ABCB4: variants seen among roughly 807,000 people sequenced by gnomAD.
ABCB4 encodes the protein ATP binding cassette subfamily B member 4, also known as phosphatidylcholine translocator ABCB4.
ABCB4 carries 76 observed loss-of-function variants against 145.7 expected under a neutral mutation model. That is an observed-to-expected ratio of 0.52 (90% CI 0.43 to 0.63). The LOEUF (loss-of-function observed/expected upper bound fraction) is 0.63, where lower values mean the gene tolerates loss of function less well. Ranked by LOEUF, ABCB4 falls within the 30% of genes least tolerant of loss-of-function variation. ABCB4 has a pLI of 0.00. For synonymous variants in ABCB4, 517 were observed against 566.8 expected (o/e 0.91, Z 1.25); for missense variants, 1,234 against 1,553.1 (o/e 0.79, Z 3.45).
intron 8 of ABCB4, 36 bp from the exon 9 acceptor site, chr7:87,447,241 A>T (rs371679608): frequency 2.5e-6 from 4 of 1,594,946 alleles, no homozygotes; most frequent in Non-Finnish European, 3.4e-6. Flanking sequence ...ATTATAATTA[A>T]GAATAACAAT....
At chr7:87,420,169 A>G in intron 18 of ABCB4, 94 bp from the exon 19 acceptor site, 2 of 1,242,332 alleles carry the variant, frequency 1.6e-6, no homozygotes, top group Non-Finnish European at 2.4e-6. Context: ...CAAAGTTATG[A>G]GTTGTTTTAC....
At chr7:87,431,291 T>A in intron 15 of ABCB4, 113 bp downstream of exon 15, 1 of 1,366,048 alleles carries the variant, frequency 7.3e-7, no homozygotes, top group Non-Finnish European at 1.0e-6. Flanking sequence ...CTTTTAGGCA[T>A]CTTGTTGAAG....
In ABCB4 at chr7:87,449,980, T is replaced by C; in HGVS notation, c.821A>G (p.Lys274Arg). The C allele has an allele frequency of 6.2e-7, 1 of 1,614,168 alleles. No individual in the cohort carries two copies. Among genetic ancestry groups the C allele is most frequent in the Non-Finnish European group, 8.5e-7 (1 of 1,180,012 alleles). The change falls in exon 8 of 28, where the codon AAA becomes AGA. Residue 274 changes from lysine (K) to arginine (R), a missense_variant. Lys to Arg is a conservative substitution (Grantham distance 26, BLOSUM62 2). Coordinates refer to ENST00000649586, the MANE Select transcript of ABCB4 (RefSeq NM_000443.4). Reference protein sequence around the residue: ...RTVIAFGGQNKELERYQKHLE... With the variant: ...RTVIAFGGQNRELERYQKHLE... Reference sequence around the variant, plus strand: ...GAACCTTCCTGACCTTTCCAGCTCTTTGTTCTGGCCCCCGAAAGCTATCAC... The same window carrying C: ...GAACCTTCCTGACCTTTCCAGCTCTCTGTTCTGGCCCCCGAAAGCTATCAC...
chr7:87,386,639 T>C, the ABCB4 span, among the ~76,000 whole-genome samples: 1 of 152,208 alleles, frequency 6.6e-6, no homozygotes, highest in Admixed American at 6.5e-5. Flanking sequence ...GATTGCTTAC[T>C]GTTGTGGACT....
chr7:87,431,764 G>C (rs1810252018), intron 14 of ABCB4, among the ~76,000 whole-genome samples, 199 bp from the exon 15 acceptor site: 1 of 152,188 alleles, frequency 6.6e-6, no homozygotes, highest in South Asian at 2.1e-4. Flanking sequence ...CAGACAAGTG[G>C]CTAACCCCTT....
intron 26 of ABCB4, 58 bp downstream of exon 26, chr7:87,406,230 G>A (rs145523264): frequency 1.6e-4 from 250 of 1,546,156 alleles, no homozygotes; most frequent in Non-Finnish European, 2.2e-4. Flanking sequence ...CATAACTTTG[G>A]TAATTGTTTG....
At chr7:87,433,608 A>C (rs1001936330) in intron 14 of ABCB4, among the ~76,000 whole-genome samples, 5 of 151,988 alleles carry the variant, frequency 3.3e-5, no homozygotes, top group Admixed American at 1.3e-4. Context: ...ATTTAGAAGT[A>C]AGCAACTGTC....
At chr7:87,475,506 C>T in intron 1 of ABCB4, 35 bp from the exon 2 acceptor site, 1 of 1,609,340 alleles carries the variant, frequency 6.2e-7, no homozygotes, top group Non-Finnish European at 8.5e-7. Flanking sequence ...ACCAAGTACA[C>T]CCTCTCCGGC....
Position 87,451,864 on chromosome 7 carries a change from C to T in ABCB4, c.537-70G>A, listed in dbSNP as rs1189739884. The T allele has an allele frequency of 4.8e-6, 7 of 1,462,214 alleles. No homozygotes were observed. In the South Asian group the frequency reaches 5.7e-5, roughly 12 times the overall value. 90.6% of individuals were successfully genotyped at this position (1,462,214 alleles called of 1,614,324 possible). A position where few individuals can be genotyped will look rare whatever the true frequency, so the allele number is the denominator to read the frequency against. On this transcript the variant is annotated intron_variant, in intron 6 of 27. Transcript: ENST00000649586. ...TTAGAAAGATGAAGTAGACATCCAA[C>T]AAACACATAGACAAGTAAAATTTGT...
intron 13 of ABCB4, 85 bp from the exon 14 acceptor site, chr7:87,439,922 T>C (rs1810858129): frequency 1.9e-6 from 3 of 1,541,536 alleles, no homozygotes; most frequent in Admixed American, 1.7e-5. Context: ...AAAGACAACA[T>C]GGAGCTTTGT....
At position 87,458,988 on chromosome 7, in the gene ABCB4, A is replaced by T. The variant is rs73198313; in HGVS notation, c.286+3770T>A. ...TCAGTTTCATAATTAGGCACAAGTT[A>T]AAAAAAAAAAAAAAAGCAAACTGCT... On this transcript the variant is annotated intron_variant, in intron 4 of 27. Transcript: ENST00000649586. 7.9e-3 allele frequency among the ~76,000 whole-genome samples: 746 copies of T among 95,020 alleles called. 5 individuals are homozygous for T. Among genetic ancestry groups the T allele is most frequent in the African/African-American group, 0.021 (376 of 17,708 alleles). The allele number at this position is 95,020 out of a possible 152,430, so 62.3% of individuals were successfully genotyped here.
At chr7:87,398,556 G>T (rs1475370553), downstream of ABCB4, 4 of 1,613,582 alleles carry the variant, frequency 2.5e-6, no homozygotes, top group Non-Finnish European at 3.4e-6. Context: ...TGGAAATCCT[G>T]TCCCGAGACT....
intron 3 of ABCB4, among the ~76,000 whole-genome samples, chr7:87,465,311 G>T (rs549809542): frequency 6.6e-6 from 1 of 152,332 alleles, no homozygotes; most frequent in African/African-American, 2.4e-5. Flanking sequence ...TCTGCAAGGT[G>T]GCAGCGAGGC....
At chr7:87,447,267 C>T in intron 8 of ABCB4, 62 bp from the exon 9 acceptor site, 1 of 1,513,774 alleles carries the variant, frequency 6.6e-7, no homozygotes, top group Non-Finnish European at 9.1e-7. Flanking sequence ...GTCCGAGTCA[C>T]ACTCGGCTCC....
the ABCB4 span, among the ~76,000 whole-genome samples, chr7:87,379,834 C>G: frequency 6.6e-6 from 1 of 152,086 alleles, no homozygotes; most frequent in East Asian, 1.9e-4. Context: ...ATGCTGTAGG[C>G]CAAACATGGG....
At chr7:87,383,323 AT>A in the ABCB4 span, among the ~76,000 whole-genome samples, 2 of 151,754 alleles carry the variant, frequency 1.3e-5, no homozygotes, top group Admixed American at 6.6e-5. Flanking sequence ...CACGAGATCA[AT>A]TTTTTTTAAC....
chr7:87,452,722 G>A, intron 6 of ABCB4: 5 of 597,966 alleles, frequency 8.4e-6, no homozygotes, highest in Middle Eastern at 4.5e-4. Context: ...GGTATAAGAT[G>A]TGAATTCAGT....
At chr7:87,406,215 G>A in intron 26 of ABCB4, 73 bp downstream of exon 26, 1 of 1,462,478 alleles carries the variant, frequency 6.8e-7, no homozygotes, top group Non-Finnish European at 9.6e-7. Flanking sequence ...ACAAGATTTT[G>A]TTGGCATAAC....
chr7:87,390,721 A>G, the ABCB4 span, among the ~76,000 whole-genome samples: 1 of 152,226 alleles, frequency 6.6e-6, no homozygotes, highest in Non-Finnish European at 1.5e-5. Context: ...AACTTCTTAA[A>G]TTATACTTCT....
Sources: allele counts gnomAD v4.1 joint callset (sites outside exome capture counted in the v4.1 genomes callset), GRCh38; gene constraint gnomAD v4.1.1; transcripts MANE v1.5; gene names NCBI Gene and HGNC (gene_info 2026-07-23, HGNC 2026-07-21).